The following ADAM19 variants were observed in gnomAD, a reference collection of about 807,000 sequenced individuals.
The protein encoded by ADAM19 is ADAM metallopeptidase domain 19.
A neutral mutation model predicts 114.7 loss-of-function variants in ADAM19; 65 were observed. The observed-to-expected ratio is 0.57, with a 90% CI of 0.46 to 0.70. The LOEUF is 0.70. Ranked by LOEUF, ADAM19 falls within the 30% of genes least tolerant of loss-of-function variation. ADAM19 has a pLI of 0.00. For synonymous variants in ADAM19, 466 were observed against 460.5 expected, an observed-to-expected ratio of 1.01 and a Z score of -0.15; for missense variants, 1,063 against 1,204.7, an observed-to-expected ratio of 0.88 and a Z score of 1.74.
At position 157,519,938 on chromosome 5, in the gene ADAM19, G is replaced by C. The variant is rs1378017458; in HGVS notation, c.501C>G (p.Leu167=). Residue 167 remains leucine, a synonymous_variant, in exon 6 of 23, where the codon CTC becomes CTG. Coordinates refer to ENST00000257527, the MANE Select transcript of ADAM19 (RefSeq NM_033274.5). ...GQHLIYRSEH[L]KPPPGNCGFE... is the part of the protein sequence containing the mutation. ...ACCCACAGTTTCCCGGGGGCGGCTT[G>C]AGATGTTCAGATCTGTAAATAAGGT... 1 of 1,614,028 alleles carries C rather than the reference G, an allele frequency of 6.2e-7. No homozygotes were observed. The highest frequency in any genetic ancestry group is 1.7e-5 in the Admixed American group (1 of 60,008).
At chr5:157,515,950 C>T (rs949531834) in intron 7 of ADAM19, among the ~76,000 whole-genome samples, 3 of 152,190 alleles carry the variant, frequency 2.0e-5, no homozygotes, top group African/African-American at 7.2e-5. Flanking sequence ...GCTGACAACT[C>T]TCTCTCTAGG....
chr5:157,567,622 A>G (rs1409269669), intron 2 of ADAM19, among the ~76,000 whole-genome samples: 1 of 151,976 alleles, frequency 6.6e-6, no homozygotes, highest in South Asian at 2.1e-4. Flanking sequence ...ACATGGAGAA[A>G]CCCCATCTCT....
chr5:157,572,298 A>G, intron 1 of ADAM19: 1 of 456,190 alleles, frequency 2.2e-6, no homozygotes, highest in Non-Finnish European at 4.4e-6. Flanking sequence ...CTGTTTTGCA[A>G]GAAAGAGAAT....
At chr5:157,497,180 A>G in intron 13 of ADAM19, 91 bp from the exon 14 acceptor site, 1 of 1,207,272 alleles carries the variant, frequency 8.3e-7, no homozygotes, top group South Asian at 2.0e-5. Flanking sequence ...CTCTCATAGA[A>G]CAGAATTTTC....
chr5:157,532,633 C>T (rs1485838101), intron 4 of ADAM19, among the ~76,000 whole-genome samples: 2 of 152,136 alleles, frequency 1.3e-5, no homozygotes, highest in East Asian at 3.9e-4. Flanking sequence ...GGGATGGATG[C>T]AAACCACACA....
chr5:157,491,746 G>A, intron 17 of ADAM19, 23 bp from the exon 18 acceptor site: 1 of 1,605,834 alleles, frequency 6.2e-7, no homozygotes, highest in South Asian at 1.1e-5. Context: ...AAGGGCAGAG[G>A]CATCAGCACC....
intron 3 of ADAM19, among the ~76,000 whole-genome samples, chr5:157,560,264 C>CAAAA (rs35731498): frequency 7.7e-5 from 4 of 51,708 alleles, no homozygotes; most frequent in African/African-American, 1.9e-4. Flanking sequence ...GACTCCGTCT[C>CAAAA]AAAAAAAAAA....
chr5:157,505,566 G>T, intron 11 of ADAM19, 103 bp downstream of exon 11: 1 of 1,380,460 alleles, frequency 7.2e-7, no homozygotes, highest in Non-Finnish European at 9.8e-7. Flanking sequence ...CCCATCAGAA[G>T]TTTAAGGGAG....
At chr5:157,499,715 A>G (rs1199364810) in intron 12 of ADAM19, 53 bp from the exon 13 acceptor site, 5 of 1,276,644 alleles carry the variant, frequency 3.9e-6, no homozygotes, top group Non-Finnish European at 5.6e-6. Context: ...ACCACCCCCA[A>G]CATTTTCCCC....
At chr5:157,518,658 A>C (rs975818021) in intron 7 of ADAM19, among the ~76,000 whole-genome samples, 165 bp downstream of exon 7, 2 of 152,272 alleles carry the variant, frequency 1.3e-5, no homozygotes, top group Non-Finnish European at 2.9e-5. Context: ...TGCTGGGATT[A>C]CAGGCGTGAG....
intron 2 of ADAM19, among the ~76,000 whole-genome samples, chr5:157,569,992 GCTGACGC>G (rs1336336684): frequency 6.6e-6 from 1 of 152,202 alleles, no homozygotes; most frequent in Non-Finnish European, 1.5e-5. Flanking sequence ...GGCCACAGTG[GCTGACGC>G]CTGTAATCCC....
chr5:157,495,398 C>T (rs566284565), intron 14 of ADAM19, among the ~76,000 whole-genome samples: 4 of 152,116 alleles, frequency 2.6e-5, no homozygotes, highest in East Asian at 1.9e-4. Context: ...AGCCATGTTC[C>T]GATTCAAGAT....
chr5:157,536,916 G>A lies in ADAM19; in HGVS notation c.330+997C>T, dbSNP rs183320832. 3.3e-5 allele frequency among the ~76,000 whole-genome samples: 5 copies of A among 152,268 alleles called. No homozygotes were observed. In the East Asian group the frequency reaches 9.7e-4, roughly 29 times the overall value. ...ATTATGTCCTGCCCCAAAGGCAAAG[G>A]CCACTGCTGCTCCTGCCAGTGTGCG... On this transcript the variant is annotated intron_variant, in intron 4 of 22. Coordinates refer to ENST00000257527, the MANE Select transcript of ADAM19 (RefSeq NM_033274.5).
intron 7 of ADAM19, among the ~76,000 whole-genome samples, chr5:157,516,800 A>G (rs1296775561): frequency 6.6e-6 from 1 of 152,182 alleles, no homozygotes; most frequent in Non-Finnish European, 1.5e-5. Flanking sequence ...CAGGCAGGGC[A>G]GGCCAGAGTC....
At chr5:157,557,168 A>G (rs575464825) in intron 3 of ADAM19, among the ~76,000 whole-genome samples, 2 of 152,190 alleles carry the variant, frequency 1.3e-5, no homozygotes, top group Non-Finnish European at 2.9e-5. Context: ...TCAGCCTCCC[A>G]AAGTGCTAGG....
intron 2 of ADAM19, chr5:157,570,458 C>T (rs575664993): frequency 3.6e-4 from 55 of 154,374 alleles, no homozygotes; most frequent in Middle Eastern, 3.4e-3. Flanking sequence ...AGATACATTC[C>T]CCAGTACTAG....
chr5:157,482,899 C>A (rs532685303), intron 21 of ADAM19, among the ~76,000 whole-genome samples: 1 of 152,308 alleles, frequency 6.6e-6, no homozygotes, highest in African/African-American at 2.4e-5. Flanking sequence ...AGTTCATGTC[C>A]TTTGCAGGGA....
chr5:157,500,102 C>G (rs1392530548), intron 12 of ADAM19, among the ~76,000 whole-genome samples: 1 of 152,124 alleles, frequency 6.6e-6, no homozygotes, highest in East Asian at 1.9e-4. Flanking sequence ...CCTCAAAAAT[C>G]ATGTGACAGC....
chr5:157,520,746 C>G (rs186404664), intron 5 of ADAM19, among the ~76,000 whole-genome samples: 2 of 152,336 alleles, frequency 1.3e-5, no homozygotes, highest in Admixed American at 1.3e-4. Flanking sequence ...CCCACCTGCC[C>G]CACGTCAGCA....
Sources: gnomAD v4.1 joint callset for allele counts (sites outside exome capture counted in the v4.1 genomes callset) on GRCh38, gnomAD v4.1.1 for gene constraint, MANE v1.5 for transcripts, NCBI Gene and HGNC (gene_info 2026-07-23, HGNC 2026-07-21) for gene names.